PTPRN2: variants seen among roughly 807,000 people sequenced by gnomAD.
PTPRN2 encodes the protein protein tyrosine phosphatase receptor type N2, also known as receptor-type tyrosine-protein phosphatase N2.
In PTPRN2, 74 loss-of-function variants were observed where a neutral mutation model predicts 118.8. The ratio of observed to expected loss-of-function variants is 0.62; its 90% confidence interval spans 0.52 to 0.76. PTPRN2 has a LOEUF of 0.76. Among genes scored for constraint, PTPRN2 ranks in the 30% least tolerant of loss-of-function variants. The pLI is 0.00. For synonymous variants in PTPRN2, 641 were observed against 608.0 expected, an observed-to-expected ratio of 1.05 and a Z score of -0.80; for missense variants, 1,481 against 1,394.4, an observed-to-expected ratio of 1.06 and a Z score of -0.99.
intron 3 of PTPRN2, among the ~76,000 whole-genome samples, chr7:158,236,570 G>A (rs147691799): frequency 2.6e-5 from 4 of 152,206 alleles, no homozygotes; most frequent in East Asian, 1.9e-4. Context: ...TGTGAGCCTC[G>A]AGATGCCTCA....
chr7:158,146,679 C>T (rs1262877868), intron 6 of PTPRN2, among the ~76,000 whole-genome samples: 1 of 148,228 alleles, frequency 6.7e-6, no homozygotes, highest in East Asian at 1.9e-4. Context: ...TGAGATCGCG[C>T]CACTGCACTC....
At chr7:158,444,094 G>T (rs1817565524) in intron 2 of PTPRN2, among the ~76,000 whole-genome samples, 1 of 152,224 alleles carries the variant, frequency 6.6e-6, no homozygotes, top group Admixed American at 6.5e-5. Context: ...AAGGGAGGGG[G>T]CCTGTGGGCA....
At chr7:158,542,749 T>C (rs1049340781) in intron 1 of PTPRN2, among the ~76,000 whole-genome samples, 14 of 152,206 alleles carry the variant, frequency 9.2e-5, no homozygotes, top group African/African-American at 2.7e-4. Context: ...TTCTACGACA[T>C]TGATGTGGGT....
intron 13 of PTPRN2, among the ~76,000 whole-genome samples, chr7:157,665,441 C>T (rs1424716958): frequency 3.3e-5 from 5 of 152,194 alleles, no homozygotes; most frequent in East Asian, 3.9e-4. Flanking sequence ...GCTGCGATGT[C>T]GGCGGCACTT....
rs183229597 is a variant in PTPRN2 at position 158,238,909 on chromosome 7, G to A, written c.278-33636C>T. On this transcript the variant is annotated intron_variant, in intron 3 of 22. Coordinates refer to ENST00000389418, the MANE Select transcript of PTPRN2 (RefSeq NM_002847.5). Reference sequence around the variant, plus strand: ...GTGAGAGCAGAGGTGTGAAGGCCACGCAGCCCCCAGGACGCCCCCAGGACA... The same window carrying A: ...GTGAGAGCAGAGGTGTGAAGGCCACACAGCCCCCAGGACGCCCCCAGGACA... 2.2e-3 allele frequency among the ~76,000 whole-genome samples: 331 copies of A among 151,670 alleles called. 2 individuals are homozygous for A. The highest frequency in any genetic ancestry group is 0.022 in the East Asian group (112 of 5,168).
At chr7:158,258,762 T>C (rs1417440457) in intron 3 of PTPRN2, among the ~76,000 whole-genome samples, 1 of 152,208 alleles carries the variant, frequency 6.6e-6, no homozygotes, top group Non-Finnish European at 1.5e-5. Flanking sequence ...CTGTATCTGT[T>C]TGTTTTGGCC....
At chr7:158,407,319 GGTCCTGC>G (rs1813623863) in intron 2 of PTPRN2, among the ~76,000 whole-genome samples, 1 of 42,430 alleles carries the variant, frequency 2.4e-5, no homozygotes, top group African/African-American at 7.3e-5. Flanking sequence ...CTGGGTCCTG[GGTCCTGC>G]GTCCTGGGTC....
intron 12 of PTPRN2, among the ~76,000 whole-genome samples, chr7:157,718,924 T>C (rs1799085812): frequency 6.6e-6 from 1 of 152,196 alleles, no homozygotes; most frequent in Non-Finnish European, 1.5e-5. Context: ...GCAGCGCTAC[T>C]GTAGCCTGCC....
chr7:158,075,474 T>C (rs1812271056), intron 11 of PTPRN2, among the ~76,000 whole-genome samples: 1 of 152,006 alleles, frequency 6.6e-6, no homozygotes, highest in African/African-American at 2.4e-5. Context: ...TGGGGCTGGT[T>C]CACACACTGC....
In PTPRN2 at chr7:157,671,286, G is replaced by T. The variant is rs1585212890; in HGVS notation, c.2001+11439C>A. 6.6e-6 allele frequency among the ~76,000 whole-genome samples: 1 copy of T among 152,074 alleles called. No individual in the cohort carries two copies. Among genetic ancestry groups the T allele is most frequent in the Non-Finnish European group, 1.5e-5 (1 of 68,004 alleles). On this transcript the variant is annotated intron_variant, in intron 13 of 22. Coordinates refer to ENST00000389418, the MANE Select transcript of PTPRN2 (RefSeq NM_002847.5). The surrounding 1 kb of genome is among the most constrained non-coding windows in gnomAD (Gnocchi z 4.1). ...GGGCTGGTCTGGTGTGGGCAACAAGGCCCGCTCTGCACCCAGGCCTGCCTC... is the reference window on the plus strand; with the variant it reads ...GGGCTGGTCTGGTGTGGGCAACAAGTCCCGCTCTGCACCCAGGCCTGCCTC...
intron 11 of PTPRN2, among the ~76,000 whole-genome samples, chr7:157,927,296 CAG>C (rs1354176302): frequency 3.7e-5 from 2 of 54,440 alleles, no homozygotes; most frequent in African/African-American, 1.7e-4. Flanking sequence ...CGTCTGAGAG[CAG>C]AGACCTCATG....
Position 157,861,464 on chromosome 7 carries a change from C to T in PTPRN2, c.1788+37209G>A, listed in dbSNP as rs1056402510. On this transcript the variant is annotated intron_variant, in intron 12 of 22. Transcript: ENST00000389418. The surrounding 1 kb of genome is among the most constrained non-coding windows in gnomAD (Gnocchi z 5.8). ...CCCTGTGGCATCTGCCTCCTGCCCT[C>T]GGACATGCTGGCCCGCCCTCCCTGA... 5.9e-5 allele frequency among the ~76,000 whole-genome samples: 9 copies of T among 152,226 alleles called. No individual in the cohort carries two copies. Among genetic ancestry groups the T allele is most frequent in the Admixed American group, 3.9e-4 (6 of 15,288 alleles).
intron 3 of PTPRN2, among the ~76,000 whole-genome samples, chr7:158,276,243 GTCCTGGTAGCAC>G (rs1563076961): frequency 1.7e-3 from 55 of 32,044 alleles, no homozygotes; most frequent in South Asian, 4.6e-3. Context: ...CCACATCCCG[GTCCTGGTAGCAC>G]CCCCACACTC....
At chr7:158,368,493 G>A (rs561585133) in intron 2 of PTPRN2, among the ~76,000 whole-genome samples, 133 of 152,338 alleles carry the variant, frequency 8.7e-4, no homozygotes, top group African/African-American at 3.1e-3. Flanking sequence ...GATGGAAGCC[G>A]ACAGCCACAC....
intron 3 of PTPRN2, among the ~76,000 whole-genome samples, chr7:158,236,650 A>G (rs1829572614): frequency 6.6e-6 from 1 of 152,062 alleles, no homozygotes; most frequent in African/African-American, 2.4e-5. Context: ...GGCCAGTGGA[A>G]CCTGTCCCTG....
intron 2 of PTPRN2, among the ~76,000 whole-genome samples, chr7:158,363,071 G>T (rs868786716): frequency 6.6e-6 from 1 of 152,040 alleles, no homozygotes; most frequent in South Asian, 2.1e-4. Flanking sequence ...GTCATGAGCC[G>T]AGGGGGACAG....
At position 157,604,019 on chromosome 7, in the gene PTPRN2, T is replaced by C. The variant is rs372450206; in HGVS notation, c.2401A>G (p.Ile801Val). ...GCACTTACGATGGGGCTAGCGTTGA[T>C]GTAGTCTGAGTGGCTGTGGCTGTTC... ...AENSHSHSDY[I>V]NASPIMDHDP... The change falls in exon 16 of 23, where the codon ATC becomes GTC. Residue 801 changes from isoleucine (I) to valine (V), a missense_variant. This residue lies in a region of PTPRN2 where 362 missense variants were observed against 384.1 expected (regional missense o/e 0.94). Transcript: ENST00000389418. The C allele has an allele frequency of 2.1e-5, 34 of 1,613,822 alleles. No individual in the cohort carries two copies. The highest frequency in any genetic ancestry group is 2.8e-5 in the Non-Finnish European group (33 of 1,180,014).
At position 157,808,963 on chromosome 7, in the gene PTPRN2, TA is replaced by T. The variant is rs1319317059; in HGVS notation, c.1788+89709del. Among the ~76,000 whole-genome samples, 1 of 152,162 alleles carries T rather than the reference TA, an allele frequency of 6.6e-6. No individual in the cohort carries two copies. Among genetic ancestry groups the T allele is most frequent in the Non-Finnish European group, 1.5e-5 (1 of 68,030 alleles). ...TTTTATGTGGAATGTGGGCAGTTCT[TA>T]AAACTTTATTTTAATGCACACGTTC... On this transcript the variant is annotated intron_variant, in intron 12 of 22. Transcript: ENST00000389418. This position sits in a 1 kb window ranked among gnomAD's most constrained non-coding sequence, Gnocchi z 5.0.
intron 2 of PTPRN2, among the ~76,000 whole-genome samples, chr7:158,344,509 G>A (rs1308931743): frequency 4.7e-5 from 7 of 147,500 alleles, no homozygotes; most frequent in Admixed American, 3.4e-4. Context: ...AATTATACTC[G>A]CCGGCATTTA....
Sources: allele counts gnomAD v4.1 joint callset (sites outside exome capture counted in the v4.1 genomes callset), GRCh38; gene constraint gnomAD v4.1.1; regional missense constraint gnomAD v4.1.1; non-coding constraint Gnocchi (gnomAD v3.1); transcripts MANE v1.5; gene names NCBI Gene and HGNC (gene_info 2026-07-23, HGNC 2026-07-21).